N4BP2L2: variants seen among roughly 807,000 people sequenced by gnomAD.
The protein encoded by N4BP2L2 is NEDD4-binding protein 2-like 2.
Under a neutral mutation model 56.2 loss-of-function variants are expected in N4BP2L2, and 50 were observed. The observed-to-expected ratio is 0.89, with a 90% confidence interval of 0.71 to 1.13. N4BP2L2 has a LOEUF of 1.13. Ranked by LOEUF, N4BP2L2 falls within the 50% of genes most tolerant of loss-of-function variation. The probability of loss-of-function intolerance (pLI) is 0.00; values close to 1 mark genes in which losing one functional copy is unlikely to be tolerated. For synonymous variants in N4BP2L2, 203 were observed against 223.6 expected (o/e 0.91, Z 0.82); for missense variants, 689 against 693.8 (o/e 0.99, Z 0.08).
chr13:32,474,410 C>T (rs894002895), intron 6 of N4BP2L2, among the ~76,000 whole-genome samples: 1 of 151,984 alleles, frequency 6.6e-6, no homozygotes, highest in African/African-American at 2.4e-5. Context: ...TACTTAGCGG[C>T]CTATCACAGT....
intron 6 of N4BP2L2, among the ~76,000 whole-genome samples, chr13:32,467,673 G>T (rs1441799741): frequency 6.6e-6 from 1 of 151,494 alleles, no homozygotes; most frequent in African/African-American, 2.4e-5. Flanking sequence ...AAAAAAAATT[G>T]TTTGAGGGCT....
At chr13:32,517,807 G>C (rs773357449) in exon 6 of N4BP2L2, 1 of 1,612,672 alleles carries the variant, frequency 6.2e-7, no homozygotes, top group South Asian at 1.1e-5. Flanking sequence ...CTAATTTAAT[G>C]ATTATTTGTG....
At chr13:32,438,485 G>GCTA (rs2075777117) in intron 8 of N4BP2L2, among the ~76,000 whole-genome samples, 1 of 152,144 alleles carries the variant, frequency 6.6e-6, no homozygotes, top group African/African-American at 2.4e-5. Context: ...TGTAATCCCA[G>GCTA]CTACTAGGGA....
intron 5 of N4BP2L2, among the ~76,000 whole-genome samples, chr13:32,518,529 C>T (rs2049833707): frequency 6.6e-6 from 1 of 151,950 alleles, no homozygotes. Context: ...TGTAGGATTC[C>T]ATATATATAT....
At chr13:32,535,290 C>T (rs2056256990) in intron 2 of N4BP2L2, among the ~76,000 whole-genome samples, 1 of 152,202 alleles carries the variant, frequency 6.6e-6, no homozygotes, top group African/African-American at 2.4e-5. Context: ...CTGAGTCCAA[C>T]TTTCCTTGAA....
At chr13:32,451,812 C>A (rs986508240) in intron 6 of N4BP2L2, among the ~76,000 whole-genome samples, 9 of 151,638 alleles carry the variant, frequency 5.9e-5, no homozygotes, top group Non-Finnish European at 1.2e-4. Context: ...GGATTACAGG[C>A]CCAGCACACA....
intron 6 of N4BP2L2, among the ~76,000 whole-genome samples, chr13:32,458,730 C>T (rs981665255): frequency 3.3e-5 from 5 of 152,126 alleles, no homozygotes; most frequent in African/African-American, 1.2e-4. Flanking sequence ...CCTTATAGAT[C>T]ACCTACACAG....
Position 32,460,886 on chromosome 13 carries a change from A to C in N4BP2L2, c.366-16760T>G, listed in dbSNP as rs2079933574. 2.0e-5 allele frequency among the ~76,000 whole-genome samples: 3 copies of C among 152,176 alleles called. No individual in the cohort carries two copies. The South Asian group carries it at 6.2e-4, about 31-fold the overall frequency. Reference sequence around the variant, plus strand: ...TGACTTATAAGGCTATAGTAACCAAAACAGCATGATATTGGTATAAAAATA... The same window carrying C: ...TGACTTATAAGGCTATAGTAACCAACACAGCATGATATTGGTATAAAAATA... On this transcript the variant is annotated intron_variant, in intron 6 of 9. Coordinates refer to the N4BP2L2 transcript ENST00000357505.
At chr13:32,496,759 A>C (rs910992799) in intron 6 of N4BP2L2, among the ~76,000 whole-genome samples, 14 of 152,178 alleles carry the variant, frequency 9.2e-5, no homozygotes, top group African/African-American at 3.4e-4. Context: ...TCCAGCAGGC[A>C]CTGGTCCCAC....
intron 6 of N4BP2L2, among the ~76,000 whole-genome samples, chr13:32,457,704 T>C (rs1168890716): frequency 2.6e-5 from 4 of 152,234 alleles, no homozygotes; most frequent in African/African-American, 9.6e-5. Context: ...ACGACTAGAC[T>C]GGCACTACAA....
chr13:32,509,781 AAT>A (rs1325165289), downstream of N4BP2L2, among the ~76,000 whole-genome samples: 3 of 152,220 alleles, frequency 2.0e-5, no homozygotes, highest in Non-Finnish European at 4.4e-5. Context: ...TCATAAAACC[AAT>A]GACATTTCTT....
chr13:32,507,644 T>C (rs1405565904), downstream of N4BP2L2: 1 of 151,260 alleles, frequency 6.6e-6, no homozygotes, highest in East Asian at 1.9e-4. Flanking sequence ...AAATAACAGT[T>C]AGAGCTTTTA....
At chr13:32,438,807 T>C (rs1010683264) in intron 7 of N4BP2L2, 3 of 1,038,406 alleles carry the variant, frequency 2.9e-6, no homozygotes, top group Admixed American at 4.4e-5. Context: ...TGTGAAGACA[T>C]GCAAACCTGA....
downstream of N4BP2L2, chr13:32,508,387 T>C (rs1334505553): frequency 6.6e-6 from 1 of 152,086 alleles, no homozygotes; most frequent in African/African-American, 2.4e-5. Flanking sequence ...AGGTTGAAGT[T>C]AGAGAGAAGG....
chr13:32,527,982 G>T (rs1387568062), intron 2 of N4BP2L2, among the ~76,000 whole-genome samples: 4 of 152,116 alleles, frequency 2.6e-5, no homozygotes, highest in Non-Finnish European at 4.4e-5. Context: ...ATGTTGGTCA[G>T]GCTGGTGTTG....
intron 6 of N4BP2L2, among the ~76,000 whole-genome samples, chr13:32,463,643 A>C (rs1430756572): frequency 6.7e-6 from 1 of 148,390 alleles, no homozygotes; most frequent in Non-Finnish European, 1.5e-5. Context: ...CAGCCTGGGC[A>C]ACAGAGCAAG....
intron 3 of N4BP2L2, chr13:32,525,412 A>G (rs1259542093): frequency 3.3e-5 from 5 of 152,222 alleles, no homozygotes; most frequent in African/African-American, 4.8e-5. Flanking sequence ...GAAACTATAA[A>G]TTGTAACAGC....
chr13:32,483,431 TTAAGG>T (rs2085190152), intron 6 of N4BP2L2, among the ~76,000 whole-genome samples: 1 of 152,230 alleles, frequency 6.6e-6, no homozygotes, highest in African/African-American at 2.4e-5. Context: ...ATTAAAGCTA[TTAAGG>T]TAAGCTTCAG....
intron 6 of N4BP2L2, among the ~76,000 whole-genome samples, chr13:32,498,904 G>A (rs1016989090): frequency 2.8e-5 from 4 of 145,436 alleles, no homozygotes; most frequent in East Asian, 2.1e-4. Context: ...GCTGAGAATC[G>A]TTTGAACCTG....
Sources: gnomAD v4.1 joint callset for allele counts (sites outside exome capture counted in the v4.1 genomes callset) on GRCh38, gnomAD v4.1.1 for gene constraint, MANE v1.5 for transcripts, NCBI Gene and HGNC (gene_info 2026-07-23, HGNC 2026-07-21) for gene names.